The following ARHGAP8 variants were observed in gnomAD, a reference collection of about 807,000 sequenced individuals.
ARHGAP8 encodes rho GTPase-activating protein 8.
A neutral mutation model predicts 46.1 loss-of-function variants in ARHGAP8; 62 were observed. The ratio of observed to expected loss-of-function variants is 1.34; its 90% CI spans 1.10 to 1.66. ARHGAP8 has a LOEUF of 1.66. Ranked by LOEUF, ARHGAP8 falls within the 40% of genes most tolerant of loss-of-function variation. The pLI is 0.00. For missense variants in ARHGAP8, 923 were observed against 568.4 expected (o/e 1.62, Z -6.34); for synonymous variants, 375 against 243.1 (o/e 1.54, Z -5.05).
intron 4 of ARHGAP8, 118 bp downstream of exon 4, chr22:44,808,556 G>A: frequency 6.6e-7 from 1 of 1,515,482 alleles, no homozygotes; most frequent in Non-Finnish European, 8.8e-7. Flanking sequence ...AGGGCGGAGG[G>A]TGGAGGGTGA....
chr22:44,790,600 C>T (rs1157424336), intron 2 of ARHGAP8, among the ~76,000 whole-genome samples: 4 of 138,784 alleles, frequency 2.9e-5, no homozygotes, highest in Admixed American at 7.6e-5. Flanking sequence ...CGCTTGAACC[C>T]GGGAGACCGA....
At chr22:44,811,430 C>A (rs899777816) in intron 4 of ARHGAP8, among the ~76,000 whole-genome samples, 1 of 152,202 alleles carries the variant, frequency 6.6e-6, no homozygotes, top group African/African-American at 2.4e-5. Context: ...GCAGTGACTT[C>A]CAATCGGCGG....
intron 3 of ARHGAP8, among the ~76,000 whole-genome samples, chr22:44,803,848 G>A (rs1036536959): frequency 2.1e-5 from 3 of 141,212 alleles, no homozygotes; most frequent in African/African-American, 5.3e-5. Flanking sequence ...TTGTGCACAC[G>A]CTTCTCCATC....
intron 7 of ARHGAP8, among the ~76,000 whole-genome samples, chr22:44,839,960 C>T (rs1414104619): frequency 6.6e-6 from 1 of 152,184 alleles, no homozygotes; most frequent in Non-Finnish European, 1.5e-5. Flanking sequence ...CAAGACATGC[C>T]TTATGTTCCT....
At chr22:44,847,510 T>C (rs932882671) in intron 8 of ARHGAP8, among the ~76,000 whole-genome samples, 13 of 152,312 alleles carry the variant, frequency 8.5e-5, no homozygotes, top group South Asian at 6.2e-4. Flanking sequence ...TAAATCCCCA[T>C]GTGCAGCTAC....
At chr22:44,822,324 C>A in intron 5 of ARHGAP8, 47 bp from the exon 6 acceptor site, 1 of 1,537,444 alleles carries the variant, frequency 6.5e-7, no homozygotes, top group Non-Finnish European at 8.7e-7. Context: ...CTCGGCCTCT[C>A]TGCTGGCGCC....
intron 1 of ARHGAP8, among the ~76,000 whole-genome samples, chr22:44,760,286 G>T (rs1420066292): frequency 6.6e-6 from 1 of 152,108 alleles, no homozygotes; most frequent in Non-Finnish European, 1.5e-5. Flanking sequence ...TACTTTTTAT[G>T]GGATGCCACT....
chr22:44,861,348 G>GGTGGGGTGTGGT (rs1485398116), intron 11 of ARHGAP8, among the ~76,000 whole-genome samples: 5 of 152,192 alleles, frequency 3.3e-5, no homozygotes, highest in East Asian at 3.9e-4. Flanking sequence ...GAATGCACCT[G>GGTGGGGTGTGGT]GTGGGGTGTG....
intron 10 of ARHGAP8, among the ~76,000 whole-genome samples, chr22:44,858,449 CCT>C (rs1491428288): frequency 4.8e-5 from 7 of 145,812 alleles, no homozygotes; most frequent in East Asian, 3.9e-4. Context: ...CTCAGTGCAG[CCT>C]CTGTCTTCTG....
intron 1 of ARHGAP8, among the ~76,000 whole-genome samples, chr22:44,762,543 CTTTT>C (rs11293128): frequency 8.3e-5 from 10 of 120,318 alleles, no homozygotes; most frequent in South Asian, 5.0e-4. Context: ...CTCTCTCTCT[CTTTT>C]TTTTTTTTTT....
At chr22:44,803,760 C>G (rs1928741440) in intron 3 of ARHGAP8, among the ~76,000 whole-genome samples, 1 of 122,366 alleles carries the variant, frequency 8.2e-6, no homozygotes, top group African/African-American at 3.1e-5. Context: ...TGCACACACC[C>G]CCTCCCATGC....
intron 1 of ARHGAP8, among the ~76,000 whole-genome samples, chr22:44,754,500 C>T (rs1394533946): frequency 3.9e-5 from 6 of 151,996 alleles, no homozygotes; most frequent in Admixed American, 1.3e-4. Context: ...GGATTACAGG[C>T]GCCCACCACC....
intron 1 of ARHGAP8, among the ~76,000 whole-genome samples, chr22:44,754,795 G>C (rs942159437): frequency 6.6e-6 from 1 of 152,108 alleles, no homozygotes; most frequent in Middle Eastern, 3.2e-3. Context: ...CGGTTAAAGA[G>C]ACGAGAGCAA....
At chr22:44,848,763 C>T (rs1027365702) in intron 9 of ARHGAP8, among the ~76,000 whole-genome samples, 169 bp from the exon 10 acceptor site, 1 of 152,224 alleles carries the variant, frequency 6.6e-6, no homozygotes, top group Non-Finnish European at 1.5e-5. Flanking sequence ...CTGATGGGGC[C>T]AGAGCACACC....
At chr22:44,821,245 C>T (rs187333940) in intron 5 of ARHGAP8, among the ~76,000 whole-genome samples, 2,221 of 152,154 alleles carry the variant, frequency 0.015, 31 homozygotes, top group Non-Finnish European at 0.024. Context: ...TCCTGGCTAA[C>T]ATGTTGAAAC....
At chr22:44,853,285 A>G (rs904740371) in intron 10 of ARHGAP8, among the ~76,000 whole-genome samples, 7 of 152,188 alleles carry the variant, frequency 4.6e-5, no homozygotes. Flanking sequence ...CAGACTGAGT[A>G]GGAGGCACAA....
In ARHGAP8 at chr22:44,766,522, G is replaced by A. The variant is rs376149066; in HGVS notation, c.-72+13895G>A. 1.1e-4 allele frequency among the ~76,000 whole-genome samples: 16 copies of A among 152,236 alleles called. No homozygotes were observed. The South Asian group carries it at 1.2e-3, about 12-fold the overall frequency. On this transcript the variant is annotated intron_variant, in intron 1 of 11. Transcript: ENST00000356099. ...TGTGTCTCTGTGCATGTCTGTGTGC[G>A]TGTGTCTGTAGGCATGTGTGTCTGC...
At chr22:44,838,372 G>A (rs1419347536) in intron 7 of ARHGAP8, among the ~76,000 whole-genome samples, 1 of 152,228 alleles carries the variant, frequency 6.6e-6, no homozygotes, top group South Asian at 2.1e-4. Flanking sequence ...TCCTGACCTC[G>A]TGATCTGCCC....
At position 44,860,746 on chromosome 22, in the gene ARHGAP8, C is replaced by T. The variant is rs569111740; in HGVS notation, c.981+912C>T. On this transcript the variant is annotated intron_variant, in intron 11 of 11. Coordinates refer to ENST00000356099, the MANE Select transcript of ARHGAP8 (RefSeq NM_181335.3). Reference sequence around the variant, plus strand: ...GCAGGGATCCATTTGGAGCAAAAACCTGTGCAGCCAACAGGGGAAGGTTCA... The same window carrying T: ...GCAGGGATCCATTTGGAGCAAAAACTTGTGCAGCCAACAGGGGAAGGTTCA... 1.6e-4 allele frequency among the ~76,000 whole-genome samples: 21 copies of T among 128,522 alleles called. No individual in the cohort carries two copies. In the East Asian group the frequency reaches 3.3e-3, roughly 20 times the overall value. 84.3% of individuals were successfully genotyped at this position (128,522 alleles called of 152,430 possible).
Sources: allele counts gnomAD v4.1 joint callset (sites outside exome capture counted in the v4.1 genomes callset), GRCh38; gene constraint gnomAD v4.1.1; transcripts MANE v1.5; gene names NCBI Gene and HGNC (gene_info 2026-07-23, HGNC 2026-07-21).